The following NTM variants were observed in gnomAD, a reference collection of about 807,000 sequenced individuals.
NTM encodes neurotrimin.
In NTM, 13 loss-of-function variants were observed where a neutral mutation model predicts 42.1. The ratio of observed to expected loss-of-function variants is 0.31; its 90% confidence interval spans 0.20 to 0.49. The LOEUF is 0.49. Ranked by LOEUF, NTM falls within the 20% of genes least tolerant of loss-of-function variation. The probability of loss-of-function intolerance (pLI) is 0.99; values close to 1 mark genes in which losing one functional copy is unlikely to be tolerated. For synonymous variants in NTM, 187 were observed against 179.2 expected, an observed-to-expected ratio of 1.04 and a Z score of -0.35; for missense variants, 373 against 452.8, an observed-to-expected ratio of 0.82 and a Z score of 1.60.
chr11:131,902,921 C>T (rs139599512), intron 1 of NTM, among the ~76,000 whole-genome samples: 1 of 152,196 alleles, frequency 6.6e-6, no homozygotes, highest in African/African-American at 2.4e-5. Flanking sequence ...TATATGTATC[C>T]GTGTGTGTAC....
At chr11:131,591,467 T>A (rs914095770) in intron 1 of NTM, among the ~76,000 whole-genome samples, 2 of 152,082 alleles carry the variant, frequency 1.3e-5, no homozygotes, top group Non-Finnish European at 2.9e-5. Context: ...CCCCACTGGG[T>A]TTAGGACCCA....
intron 2 of NTM, among the ~76,000 whole-genome samples, chr11:131,968,492 A>C (rs1270932169): frequency 1.3e-5 from 2 of 152,164 alleles, no homozygotes; most frequent in Non-Finnish European, 2.9e-5. Context: ...AATCGTACCC[A>C]GCAAAAGTAG....
intron 3 of NTM, among the ~76,000 whole-genome samples, chr11:132,160,039 C>T (rs2073975207): frequency 6.6e-6 from 1 of 152,168 alleles, no homozygotes; most frequent in Non-Finnish European, 1.5e-5. Context: ...AGCTGCTCCC[C>T]TAAGTGGGTC....
At chr11:132,082,233 A>G (rs987231171) in intron 2 of NTM, among the ~76,000 whole-genome samples, 2 of 152,080 alleles carry the variant, frequency 1.3e-5, no homozygotes, top group Admixed American at 6.5e-5. Context: ...ATGACCAGGA[A>G]AAATTAGGCA....
rs146524719 is a variant in NTM, at chr11:132,077,966, C to T, written c.168-68316C>T. Among the ~76,000 whole-genome samples the T allele has an allele frequency of 2.1e-3, 314 of 152,214 alleles. 2 individuals carry two copies. Among genetic ancestry groups the T allele is most frequent in the African/African-American group, 7.1e-3 (296 of 41,522 alleles). On this transcript the variant is annotated intron_variant, in intron 2 of 8. Transcript: ENST00000683400. ...TTATTGGCAAGTTAAATCCTTATAC[C>T]ATTATACTAATGTGTATTGAACAAA...
intron 1 of NTM, among the ~76,000 whole-genome samples, chr11:131,876,168 C>G (rs1181064598): frequency 6.6e-6 from 1 of 152,140 alleles, no homozygotes; most frequent in African/African-American, 2.4e-5. Context: ...GTCAGCACTC[C>G]GCAGAGGCTA....
At chr11:131,965,666 G>T (rs1018468917) in intron 2 of NTM, among the ~76,000 whole-genome samples, 5 of 152,190 alleles carry the variant, frequency 3.3e-5, no homozygotes, top group African/African-American at 1.2e-4. Context: ...GGAGCTGGAG[G>T]AGGCTTGTGA....
intron 4 of NTM, among the ~76,000 whole-genome samples, chr11:132,234,690 C>T (rs981860306): frequency 6.6e-6 from 1 of 152,114 alleles, no homozygotes; most frequent in Admixed American, 6.5e-5. Context: ...AGAAAGGGAC[C>T]ACTTTGTCAT....
Position 131,735,091 on chromosome 11 carries a change from A to T in NTM, c.83-176473A>T, listed in dbSNP as rs2080239398. Among the ~76,000 whole-genome samples, 3 of 152,226 alleles carry T rather than the reference A, an allele frequency of 2.0e-5. No homozygotes were observed. The South Asian group carries it at 6.2e-4, about 32-fold the overall frequency. Reference sequence around the variant, plus strand: ...GAGGTCTCCAGAGGTGCTAGATTGTATAACAACTTATTTAGCTGATCCTGC... The same window carrying T: ...GAGGTCTCCAGAGGTGCTAGATTGTTTAACAACTTATTTAGCTGATCCTGC... On this transcript the variant is annotated intron_variant, in intron 1 of 8. Coordinates refer to ENST00000683400, the MANE Select transcript of NTM (RefSeq NM_001352005.2).
chr11:131,880,587 A>G (rs926706070), intron 1 of NTM, among the ~76,000 whole-genome samples: 2 of 152,210 alleles, frequency 1.3e-5, no homozygotes, highest in African/African-American at 2.4e-5. Context: ...TACCAGGGAC[A>G]GAAGCATGAT....
chr11:132,224,101 C>T (rs2085700160), intron 4 of NTM, among the ~76,000 whole-genome samples: 1 of 152,146 alleles, frequency 6.6e-6, no homozygotes, highest in Non-Finnish European at 1.5e-5. Context: ...CAGGGCTATT[C>T]AATAAAAGTG....
chr11:131,775,201 G>T (rs1169178254), intron 1 of NTM, among the ~76,000 whole-genome samples: 5 of 152,216 alleles, frequency 3.3e-5, no homozygotes, highest in African/African-American at 4.8e-5. Flanking sequence ...TCAGAAAAAC[G>T]ATGCCTGTCT....
At chr11:131,655,179 T>C (rs2067019744) in intron 1 of NTM, among the ~76,000 whole-genome samples, 1 of 152,204 alleles carries the variant, frequency 6.6e-6, no homozygotes, top group African/African-American at 2.4e-5. Flanking sequence ...GGGGTTGGGA[T>C]ACGACTTGAG....
chr11:132,317,595 GTATATAA>G (rs1269295109), intron 7 of NTM: 7 of 963,870 alleles, frequency 7.3e-6, no homozygotes, highest in South Asian at 1.3e-5. Context: ...ATATAGCACT[GTATATAA>G]TATATGTGTT....
chr11:131,643,233 G>C lies in NTM; in HGVS notation c.83-268331G>C, dbSNP rs555172311. Among the ~76,000 whole-genome samples, 4 of 152,324 alleles carry C rather than the reference G, an allele frequency of 2.6e-5. No homozygotes were observed. In the South Asian group the frequency reaches 8.3e-4, roughly 32 times the overall value. On this transcript the variant is annotated intron_variant, in intron 1 of 8. Transcript: ENST00000683400. ...TGGATCAAGGTAATTAAATGGCACA[G>C]CTCAGAGTGAGTTAAGGGATGATTC... is the stretch of plus-strand genomic sequence containing the variant.
chr11:131,911,012 A>G, intron 1 of NTM: 1 of 1,003,322 alleles, frequency 1.0e-6, no homozygotes, highest in Non-Finnish European at 1.2e-6. Flanking sequence ...AAACTTACAA[A>G]GTGTTGGATG....
chr11:131,448,704 A>T lies in NTM; in HGVS notation c.82+77816A>T, dbSNP rs545754585. On this transcript the variant is annotated intron_variant, in intron 1 of 8. Coordinates refer to ENST00000683400, the MANE Select transcript of NTM (RefSeq NM_001352005.2). ...GGCACTCCTCCAGGTTGCAGGAGAG[A>T]AGGCTGCAGGCTGGAGAAGGCCTCG... Among the ~76,000 whole-genome samples the T allele has an allele frequency of 2.6e-5, 4 of 152,266 alleles. No individual in the cohort carries two copies. In the South Asian group the frequency reaches 8.3e-4, roughly 32 times the overall value.
chr11:132,111,803 C>G (rs1318003981), intron 2 of NTM, among the ~76,000 whole-genome samples: 1 of 152,222 alleles, frequency 6.6e-6, no homozygotes, highest in Admixed American at 6.5e-5. Flanking sequence ...TCTAACCAAT[C>G]AACACCACTT....
At chr11:132,076,495 G>A (rs2058380960) in intron 2 of NTM, among the ~76,000 whole-genome samples, 1 of 152,210 alleles carries the variant, frequency 6.6e-6, no homozygotes. Flanking sequence ...CAAGTTTCCT[G>A]CTTTTCTGGA....
Sources: allele counts gnomAD v4.1 joint callset (sites outside exome capture counted in the v4.1 genomes callset), GRCh38; gene constraint gnomAD v4.1.1; transcripts MANE v1.5; gene names NCBI Gene and HGNC (gene_info 2026-07-23, HGNC 2026-07-21).